The following VAC14 variants were observed in gnomAD, a reference collection of about 807,000 sequenced individuals.
The protein encoded by VAC14 is protein VAC14 homolog.
Under a neutral mutation model 85.3 loss-of-function variants are expected in VAC14, and 47 were observed. That is an observed-to-expected ratio of 0.55 (90% CI 0.44 to 0.70). The LOEUF is 0.70. VAC14 is among the 30% of genes least tolerant of loss of function. The probability of loss-of-function intolerance (pLI) is 0.00; values close to 1 mark genes in which losing one functional copy is unlikely to be tolerated. For synonymous variants in VAC14, 447 were observed against 430.5 expected, an observed-to-expected ratio of 1.04 and a Z score of -0.47; for missense variants, 861 against 1,004.3, an observed-to-expected ratio of 0.86 and a Z score of 1.93.
At chr16:70,754,972 G>A (rs1283161715) in intron 12 of VAC14, 1 of 156,466 alleles carries the variant, frequency 6.4e-6, no homozygotes, top group Non-Finnish European at 1.4e-5. Flanking sequence ...GGACCACACA[G>A]ATTCAGGGCT....
rs2032438701 is a variant in VAC14, at chr16:70,762,105, T to TC, written c.1371+434_1371+435insG. 7.3e-6 allele frequency among the ~76,000 whole-genome samples: 1 copy of TC among 137,666 alleles called. No individual in the cohort carries two copies. Among genetic ancestry groups the TC allele is most frequent in the African/African-American group, 3.4e-5 (1 of 29,472 alleles). 90.3% of individuals were successfully genotyped at this position (137,666 alleles called of 152,430 possible). A position where few individuals can be genotyped will look rare whatever the true frequency, so the allele number is the denominator to read the frequency against. On this transcript the variant is annotated intron_variant, in intron 12 of 18. Coordinates refer to ENST00000261776, the MANE Select transcript of VAC14 (RefSeq NM_018052.5). This position sits in a 1 kb window ranked among gnomAD's most constrained non-coding sequence, Gnocchi z 4.1. ...AGTCCTCACTCCTAAAGTGAGTTTTTTTTTTTGTTTTTGTTTTTTTGAGAC... is the reference window on the plus strand; with the variant it reads ...AGTCCTCACTCCTAAAGTGAGTTTTTCTTTTTTGTTTTTGTTTTTTTGAGAC...
At chr16:70,726,271 C>G (rs965632974) in intron 14 of VAC14, among the ~76,000 whole-genome samples, 1 of 152,252 alleles carries the variant, frequency 6.6e-6, no homozygotes, top group Non-Finnish European at 1.5e-5. Context: ...ACACCTACTC[C>G]GGGCAGAGTT....
intron 12 of VAC14, among the ~76,000 whole-genome samples, chr16:70,756,445 C>T (rs930282337): frequency 6.6e-6 from 1 of 152,224 alleles, no homozygotes; most frequent in Non-Finnish European, 1.5e-5. Context: ...GAACTCTCCC[C>T]TTCCTCCCCT....
intron 12 of VAC14, chr16:70,755,962 G>T: frequency 6.6e-6 from 3 of 455,778 alleles, no homozygotes; most frequent in South Asian, 4.7e-5. Flanking sequence ...CTTCCCCCAG[G>T]TGGGACCCCA....
At chr16:70,735,560 G>A (rs1368396209) in intron 13 of VAC14, among the ~76,000 whole-genome samples, 1 of 152,228 alleles carries the variant, frequency 6.6e-6, no homozygotes, top group East Asian at 1.9e-4. Flanking sequence ...TCATGGTCCT[G>A]CCGGGGAGAT....
chr16:70,707,940 G>A (rs1472516890), intron 14 of VAC14, among the ~76,000 whole-genome samples: 7 of 151,904 alleles, frequency 4.6e-5, no homozygotes, highest in Admixed American at 2.0e-4. Flanking sequence ...ACAGGCGCCC[G>A]TCACCACACC....
At chr16:70,789,032 C>A (rs930255050) in intron 1 of VAC14, among the ~76,000 whole-genome samples, 2 of 152,220 alleles carry the variant, frequency 1.3e-5, no homozygotes, top group Admixed American at 1.3e-4. Context: ...GCCAGTCTTC[C>A]GCAGGAAGCT....
At chr16:70,699,248 A>C in intron 14 of VAC14, 1 of 194,054 alleles carries the variant, frequency 5.2e-6, no homozygotes, top group Non-Finnish European at 1.1e-5. Context: ...AATTCTCCAC[A>C]CATCGGTCAC....
At chr16:70,711,078 C>T (rs921402856) in intron 14 of VAC14, among the ~76,000 whole-genome samples, 1 of 152,254 alleles carries the variant, frequency 6.6e-6, no homozygotes, top group African/African-American at 2.4e-5. Context: ...TGTCCTCATC[C>T]ACCCAGAAGG....
intron 17 of VAC14, among the ~76,000 whole-genome samples, chr16:70,693,526 G>C (rs1756444101): frequency 6.6e-6 from 1 of 152,232 alleles, no homozygotes; most frequent in Non-Finnish European, 1.5e-5. Flanking sequence ...CGGAGCGTCT[G>C]GGAGGTGCTT....
chr16:70,742,556 A>T (rs2030443578), intron 13 of VAC14, among the ~76,000 whole-genome samples: 1 of 152,214 alleles, frequency 6.6e-6, no homozygotes, highest in Non-Finnish European at 1.5e-5. Flanking sequence ...GGATGTGGGA[A>T]CCACTTCCCC....
At chr16:70,705,408 G>C (rs1266348099) in intron 14 of VAC14, among the ~76,000 whole-genome samples, 1 of 152,266 alleles carries the variant, frequency 6.6e-6, no homozygotes, top group Non-Finnish European at 1.5e-5. Flanking sequence ...GCCTCTCTGC[G>C]CAGGTGGGCC....
At chr16:70,729,537 C>G (rs1393530940) in intron 14 of VAC14, among the ~76,000 whole-genome samples, 2 of 152,144 alleles carry the variant, frequency 1.3e-5, no homozygotes, top group South Asian at 4.1e-4. Flanking sequence ...CATTCAGGCT[C>G]CTGCAGCGGC....
chr16:70,697,804 G>T (rs1041718089), intron 15 of VAC14, among the ~76,000 whole-genome samples: 1 of 152,252 alleles, frequency 6.6e-6, no homozygotes, highest in Non-Finnish European at 1.5e-5. Context: ...GGGAGGCAGG[G>T]CTGTGGCCTG....
intron 1 of VAC14, among the ~76,000 whole-genome samples, chr16:70,798,093 T>G (rs2034623449): frequency 6.6e-6 from 1 of 152,220 alleles, no homozygotes; most frequent in Non-Finnish European, 1.5e-5. Context: ...ATGCTCTTTT[T>G]ACAGATGAAG....
chr16:70,760,549 C>CTCTCAACTGT (rs2032244501), intron 12 of VAC14, among the ~76,000 whole-genome samples: 1 of 119,476 alleles, frequency 8.4e-6, no homozygotes, highest in African/African-American at 4.8e-5. Context: ...GTTATGGTAC[C>CTCTCAACTGT]CCTCAACTGT....
chr16:70,778,911 C>T (rs916656087), intron 9 of VAC14: 2 of 152,158 alleles, frequency 1.3e-5, no homozygotes, highest in South Asian at 2.1e-4. Context: ...TATGTATCCC[C>T]GAGTCTTCTA....
At chr16:70,738,203 A>G (rs2054823232) in intron 13 of VAC14, among the ~76,000 whole-genome samples, 1 of 151,978 alleles carries the variant, frequency 6.6e-6, no homozygotes, top group Non-Finnish European at 1.5e-5. Flanking sequence ...TGGCTGGGAG[A>G]AAGGGAGGCT....
At chr16:70,786,820 A>C (rs1214081031) in intron 1 of VAC14, among the ~76,000 whole-genome samples, 2 of 152,208 alleles carry the variant, frequency 1.3e-5, no homozygotes, top group African/African-American at 4.8e-5. Context: ...CCAACAAATA[A>C]TTGTAGCAAA....
Sources: gnomAD v4.1 joint callset for allele counts (sites outside exome capture counted in the v4.1 genomes callset) on GRCh38, gnomAD v4.1.1 for gene constraint, Gnocchi (gnomAD v3.1) non-coding constraint, MANE v1.5 for transcripts, NCBI Gene and HGNC (gene_info 2026-07-23, HGNC 2026-07-21) for gene names.